The following TAFA2 variants were observed in gnomAD, a reference collection of about 807,000 sequenced individuals.
The protein encoded by TAFA2 is chemokine-like protein TAFA-2.
Under a neutral mutation model 18.8 loss-of-function variants are expected in TAFA2, and 7 were observed. The observed-to-expected ratio is 0.37, with a 90% CI of 0.21 to 0.70. The LOEUF (loss-of-function observed/expected upper bound fraction) is 0.70. Among genes scored for constraint, TAFA2 ranks in the 30% least tolerant of loss-of-function variants. The probability of loss-of-function intolerance (pLI) is 0.53; values close to 1 mark genes in which losing one functional copy is unlikely to be tolerated. For synonymous variants in TAFA2, 60 were observed against 54.2 expected, an observed-to-expected ratio of 1.11 and a Z score of -0.47; for missense variants, 122 against 158.1, an observed-to-expected ratio of 0.77 and a Z score of 1.23.
intron 1 of TAFA2, among the ~76,000 whole-genome samples, chr12:62,123,846 C>CA (rs1187884502): frequency 1.0e-4 from 15 of 148,490 alleles, no homozygotes; most frequent in Admixed American, 1.0e-3. Context: ...TCTAAACCAT[C>CA]AAAATCGCTC....
At chr12:61,832,096 A>G (rs1297805991) in intron 2 of TAFA2, among the ~76,000 whole-genome samples, 1 of 152,026 alleles carries the variant, frequency 6.6e-6, no homozygotes, top group Non-Finnish European at 1.5e-5. Flanking sequence ...TTGCCACTCA[A>G]TCAAGAGACA....
At chr12:62,100,600 A>G (rs1869152556) in intron 1 of TAFA2, among the ~76,000 whole-genome samples, 2 of 152,152 alleles carry the variant, frequency 1.3e-5, no homozygotes, top group Non-Finnish European at 2.9e-5. Flanking sequence ...CATACATCTC[A>G]TCCCATCCAG....
intron 1 of TAFA2, among the ~76,000 whole-genome samples, chr12:61,937,460 T>G (rs181430154): frequency 6.6e-6 from 1 of 152,210 alleles, no homozygotes; most frequent in Admixed American, 6.5e-5. Flanking sequence ...AGTGGACACA[T>G]AGACTAGTGC....
chr12:61,988,260 T>C (rs1386095483), intron 1 of TAFA2, among the ~76,000 whole-genome samples: 1 of 152,052 alleles, frequency 6.6e-6, no homozygotes, highest in East Asian at 1.9e-4. Context: ...CACTTCCCAA[T>C]AGAATTTAAA....
In TAFA2 at chr12:61,933,668, A is replaced by T. The variant is rs143808234; in HGVS notation, c.-1-66242T>A. ...AGCCCAGGAGTTTGAGGCTACAGTG[A>T]GCCATTATCACACCACTGCACTCCA... On this transcript the variant is annotated intron_variant, in intron 1 of 4. Coordinates refer to ENST00000416284, the MANE Select transcript of TAFA2 (RefSeq NM_178539.5). 1.5e-3 allele frequency among the ~76,000 whole-genome samples: 225 copies of T among 152,302 alleles called. 4 individuals carry two copies. Among genetic ancestry groups the T allele is most frequent in the African/African-American group, 5.1e-3 (214 of 41,568 alleles).
intron 1 of TAFA2, among the ~76,000 whole-genome samples, chr12:61,984,271 G>A (rs1410645362): frequency 6.6e-6 from 1 of 152,192 alleles, no homozygotes; most frequent in Admixed American, 6.6e-5. Context: ...AGATGCTGAA[G>A]ATCCAATAAC....
chr12:62,056,679 AC>A (rs1372406753), intron 1 of TAFA2, among the ~76,000 whole-genome samples: 1 of 152,196 alleles, frequency 6.6e-6, no homozygotes, highest in Non-Finnish European at 1.5e-5. Flanking sequence ...CAATCTTAAC[AC>A]CTAGGAATAA....
chr12:62,048,194 T>C (rs181825218), intron 1 of TAFA2, among the ~76,000 whole-genome samples: 1 of 152,320 alleles, frequency 6.6e-6, no homozygotes, highest in Admixed American at 6.5e-5. Flanking sequence ...GAAAGAGGTT[T>C]AATTGACTTA....
At chr12:61,976,158 G>A (rs908198830) in intron 1 of TAFA2, among the ~76,000 whole-genome samples, 2 of 151,742 alleles carry the variant, frequency 1.3e-5, no homozygotes, top group Admixed American at 1.3e-4. Flanking sequence ...CAGCTAGAAA[G>A]AATCATTAAT....
chr12:61,836,829 C>A (rs1872953630), intron 2 of TAFA2, among the ~76,000 whole-genome samples: 1 of 147,818 alleles, frequency 6.8e-6, no homozygotes, highest in Non-Finnish European at 1.5e-5. Flanking sequence ...GAAATTGAAC[C>A]AGTGTTTACA....
chr12:62,069,690 T>C (rs967952620), intron 1 of TAFA2, among the ~76,000 whole-genome samples: 13 of 152,096 alleles, frequency 8.5e-5, no homozygotes, highest in African/African-American at 3.1e-4. Context: ...AGAAAACACA[T>C]AATATATTGT....
chr12:62,033,787 G>T (rs1490819263), intron 1 of TAFA2, among the ~76,000 whole-genome samples: 3 of 151,956 alleles, frequency 2.0e-5, no homozygotes, highest in Non-Finnish European at 2.9e-5. Flanking sequence ...TTAAATTATA[G>T]CTATGTTCTC....
In TAFA2 at chr12:61,847,230, A is replaced by T. The variant is rs374981783; in HGVS notation, c.106+20090T>A. ...TTTTGTCCCTCTCTGCGAATAGATAAGAGTTTATTAAATACTCACTGTGTT... is the reference window on the plus strand; with the variant it reads ...TTTTGTCCCTCTCTGCGAATAGATATGAGTTTATTAAATACTCACTGTGTT... On this transcript the variant is annotated intron_variant, in intron 2 of 4. Coordinates refer to ENST00000416284, the MANE Select transcript of TAFA2 (RefSeq NM_178539.5). Among the ~76,000 whole-genome samples the T allele has an allele frequency of 3.3e-5, 5 of 152,236 alleles. No homozygotes were observed. In the East Asian group the frequency reaches 9.6e-4, roughly 29 times the overall value.
chr12:62,184,088 T>C lies in TAFA2; in HGVS notation c.-2+7171A>G, dbSNP rs571157906. Among the ~76,000 whole-genome samples, 12 of 152,320 alleles carry C rather than the reference T, an allele frequency of 7.9e-5. No homozygotes were observed. The South Asian group carries it at 2.1e-3, about 26-fold the overall frequency. Reference sequence around the variant, plus strand: ...ATCACCATAATCATCATTATCATCATCTTCATCATCTCCATCTCAATCTTA... The same window carrying C: ...ATCACCATAATCATCATTATCATCACCTTCATCATCTCCATCTCAATCTTA... On this transcript the variant is annotated intron_variant, in intron 1 of 4. Coordinates refer to ENST00000416284, the MANE Select transcript of TAFA2 (RefSeq NM_178539.5).
At chr12:61,738,290 A>AACACACACACACACAC (rs369001355) in intron 4 of TAFA2, among the ~76,000 whole-genome samples, 10 of 124,620 alleles carry the variant, frequency 8.0e-5, no homozygotes, top group East Asian at 7.2e-4. Flanking sequence ...TGAAAATGAA[A>AACACACACACACACAC]ACACACACAC....
intron 1 of TAFA2, among the ~76,000 whole-genome samples, chr12:61,992,121 G>A (rs889047961): frequency 6.6e-6 from 1 of 152,146 alleles, no homozygotes; most frequent in Non-Finnish European, 1.5e-5. Context: ...TCTAAGGGCA[G>A]ACTTCTCTCA....
intron 1 of TAFA2, among the ~76,000 whole-genome samples, chr12:61,966,871 T>C (rs1470214278): frequency 1.3e-5 from 2 of 151,878 alleles, no homozygotes; most frequent in Admixed American, 1.3e-4. Context: ...TGTGGGAGAT[T>C]TCATGAATGA....
intron 2 of TAFA2, among the ~76,000 whole-genome samples, chr12:61,782,162 CA>C (rs1460265788): frequency 2.6e-5 from 4 of 151,750 alleles, no homozygotes; most frequent in Non-Finnish European, 3.0e-5. Context: ...CCCCTCCTCA[CA>C]GCTGAGCATT....
chr12:62,198,483 C>T (rs1206456492), intron 1 of TAFA2: 1 of 152,144 alleles, frequency 6.6e-6, no homozygotes, highest in Non-Finnish European at 1.5e-5. Context: ...CTCTGGCTCC[C>T]CGCAGTGTTC....
Sources: allele counts gnomAD v4.1 joint callset (sites outside exome capture counted in the v4.1 genomes callset), GRCh38; gene constraint gnomAD v4.1.1; transcripts MANE v1.5; gene names NCBI Gene and HGNC (gene_info 2026-07-23, HGNC 2026-07-21).